HTR2C: variants seen among roughly 807,000 people sequenced by gnomAD.
HTR2C encodes 5-hydroxytryptamine (serotonin) receptor 2C, G protein-coupled.
A neutral mutation model predicts 21.0 loss-of-function variants in HTR2C; 5 were observed. The observed-to-expected ratio is 0.24, with a 90% CI of 0.12 to 0.50. The LOEUF (loss-of-function observed/expected upper bound fraction) is 0.50, where lower values mean the gene tolerates loss of function less well. Among genes scored for constraint, HTR2C ranks in the 20% least tolerant of loss-of-function variants. The probability of loss-of-function intolerance (pLI) is 0.98; values close to 1 mark genes in which losing one functional copy is unlikely to be tolerated. For synonymous variants in HTR2C, 150 were observed against 145.3 expected (o/e 1.03, Z -0.23); for missense variants, 271 against 371.2 (o/e 0.73, Z 2.22).
At chrX:114,782,004 A>G (rs951718718) in intron 4 of HTR2C, among the ~76,000 whole-genome samples, 22 of 109,638 alleles carry the variant, frequency 2.0e-4, no homozygotes, top group Admixed American at 1.1e-3. Context: ...ATAAAAATAA[A>G]TCTACACCTA....
chrX:114,776,676 C>T (rs879976358), intron 4 of HTR2C: 1 of 489,584 alleles, frequency 2.0e-6, no homozygotes, highest in South Asian at 2.5e-5. Context: ...GTTCAGTTTC[C>T]CTGATCATTG....
chrX:114,613,775 A>T (rs1330834077), intron 1 of HTR2C, 40 bp from the exon 2 acceptor site: 1 of 111,740 alleles, frequency 8.9e-6, no homozygotes. Flanking sequence ...CACCTTACTT[A>T]TGGAGTTCTT....
intron 4 of HTR2C, among the ~76,000 whole-genome samples, chrX:114,820,581 C>G (rs2147458665): frequency 9.1e-6 from 1 of 110,463 alleles, no homozygotes; most frequent in South Asian, 3.9e-4. Flanking sequence ...CCAGAATTCC[C>G]ACGTGTTATG....
chrX:114,877,308 T>C (rs1556478537), intron 5 of HTR2C, among the ~76,000 whole-genome samples: 1 of 111,303 alleles, frequency 9.0e-6, no homozygotes, highest in Non-Finnish European at 1.9e-5. Context: ...CTTTCATTTA[T>C]AATTTTATTT....
chrX:114,697,373 T>C (rs1480970538), intron 2 of HTR2C, among the ~76,000 whole-genome samples: 1 of 112,363 alleles, frequency 8.9e-6, no homozygotes, highest in African/African-American at 3.2e-5. Context: ...TCCGCTTTTT[T>C]GGCATAAATT....
At chrX:114,810,256 T>A (rs1457832832) in intron 4 of HTR2C, among the ~76,000 whole-genome samples, 2 of 111,203 alleles carry the variant, frequency 1.8e-5, no homozygotes, top group Non-Finnish European at 3.8e-5. Flanking sequence ...GGAGGGGTGA[T>A]GCAAACATTC....
chrX:114,692,381 G>A lies in HTR2C; in HGVS notation c.-79-34477G>A, dbSNP rs782438320. ...CCAGTTCTTGTGAACATTTCCAAGA[G>A]GATATTTATGCTTAACTTTTTCTTT... On this transcript the variant is annotated intron_variant, in intron 2 of 5. Coordinates refer to ENST00000276198, the MANE Select transcript of HTR2C (RefSeq NM_000868.4). Among the ~76,000 whole-genome samples the A allele has an allele frequency of 2.1e-4, 23 of 111,612 alleles. No individual in the cohort carries two copies. The South Asian group carries it at 6.7e-3, about 32-fold the overall frequency.
chrX:114,666,415 TA>T (rs1363262612), intron 2 of HTR2C, among the ~76,000 whole-genome samples: 1 of 106,604 alleles, frequency 9.4e-6, no homozygotes, highest in Non-Finnish European at 1.9e-5. Context: ...GATACAGTTT[TA>T]AAAAACTATG....
At chrX:114,853,131 A>G (rs1170881647) in intron 5 of HTR2C, among the ~76,000 whole-genome samples, 3 of 111,322 alleles carry the variant, frequency 2.7e-5, no homozygotes, top group Non-Finnish European at 3.8e-5. Context: ...ATTTGCATCT[A>G]TTTTATTTGG....
At chrX:114,611,149 A>C (rs1201973047) in intron 1 of HTR2C, among the ~76,000 whole-genome samples, 2 of 111,945 alleles carry the variant, frequency 1.8e-5, no homozygotes, top group Non-Finnish European at 3.8e-5. Context: ...ATTCTTCGTG[A>C]ATAAATGGCA....
At chrX:114,699,965 A>AC (rs1289068119) in intron 2 of HTR2C, among the ~76,000 whole-genome samples, 1 of 36,225 alleles carries the variant, frequency 2.8e-5, no homozygotes, top group Non-Finnish European at 7.1e-5. Flanking sequence ...ATTAAGTTAT[A>AC]AATTTTTGGC....
chrX:114,880,603 A>G (rs1198821076), intron 5 of HTR2C, among the ~76,000 whole-genome samples: 2 of 111,254 alleles, frequency 1.8e-5, no homozygotes, highest in Non-Finnish European at 3.8e-5. Flanking sequence ...TGCCTAAGCA[A>G]GAACGAATTG....
intron 1 of HTR2C, among the ~76,000 whole-genome samples, chrX:114,595,085 A>G (rs1226721227): frequency 1.8e-5 from 2 of 111,918 alleles, no homozygotes; most frequent in Non-Finnish European, 3.8e-5. Context: ...CGACTTAGTT[A>G]GGGCCAGTAT....
intron 5 of HTR2C, among the ~76,000 whole-genome samples, chrX:114,850,282 G>A (rs1365668003): frequency 9.1e-6 from 1 of 109,926 alleles, no homozygotes; most frequent in African/African-American, 3.3e-5. Context: ...GGTAGCACAC[G>A]CCTGTAATCC....
At chrX:114,876,128 G>A (rs183107737) in intron 5 of HTR2C, among the ~76,000 whole-genome samples, 42 of 108,840 alleles carry the variant, frequency 3.9e-4, no homozygotes, top group Admixed American at 2.0e-3. Context: ...TCACTTCCTC[G>A]GTTAAATTTA....
At chrX:114,636,085 T>G (rs1234910430) in intron 2 of HTR2C, among the ~76,000 whole-genome samples, 1 of 106,319 alleles carries the variant, frequency 9.4e-6, no homozygotes, top group South Asian at 4.2e-4. Flanking sequence ...TTTTTTTTTT[T>G]GTCCCTGCTT....
intron 1 of HTR2C, among the ~76,000 whole-genome samples, chrX:114,602,919 T>C (rs1426108618): frequency 1.9e-5 from 2 of 105,874 alleles, no homozygotes; most frequent in African/African-American, 6.9e-5. Flanking sequence ...AGAAGTTATT[T>C]CCTTGAGGAT....
intron 2 of HTR2C, among the ~76,000 whole-genome samples, chrX:114,658,865 T>C (rs1930880877): frequency 8.9e-6 from 1 of 111,747 alleles, no homozygotes; most frequent in Non-Finnish European, 1.9e-5. Context: ...AGTTTTAGGA[T>C]AAACAGGGTA....
intron 2 of HTR2C, among the ~76,000 whole-genome samples, chrX:114,683,045 T>C (rs1931796723): frequency 8.9e-6 from 1 of 112,070 alleles, no homozygotes; most frequent in Non-Finnish European, 1.9e-5. Flanking sequence ...GTTGTAACTA[T>C]GATCGTAATA....
Sources: allele counts gnomAD v4.1 joint callset (sites outside exome capture counted in the v4.1 genomes callset), GRCh38; gene constraint gnomAD v4.1.1; transcripts MANE v1.5; gene names NCBI Gene and HGNC (gene_info 2026-07-23, HGNC 2026-07-21).